The following AGAP5 variants were observed in gnomAD, a reference collection of about 807,000 sequenced individuals.
AGAP5 encodes arf-GAP with GTPase, ANK repeat and PH domain-containing protein 5.
A neutral mutation model predicts 27.7 loss-of-function variants in AGAP5; 8 were observed. That is an observed-to-expected ratio of 0.29 (90% CI 0.17 to 0.52). AGAP5 has a LOEUF of 0.52. Among genes scored for constraint, AGAP5 ranks in the 20% least tolerant of loss-of-function variants. AGAP5 has a pLI of 0.97. For synonymous variants in AGAP5, 111 were observed against 338.0 expected (o/e 0.33, Z 7.37); for missense variants, 285 against 880.8 (o/e 0.32, Z 8.56).
intron 3 of AGAP5, 145 bp downstream of exon 3, chr10:73,694,591 T>C (rs553358311): frequency 7.2e-7 from 1 of 1,386,700 alleles, no homozygotes; most frequent in South Asian, 1.3e-5. Flanking sequence ...TAAAGGAAAG[T>C]ATATCACATA....
intron 2 of AGAP5, among the ~76,000 whole-genome samples, chr10:73,696,598 A>C (rs1464474194): frequency 1.3e-5 from 2 of 152,222 alleles, no homozygotes; most frequent in Non-Finnish European, 2.9e-5. Context: ...AAGAATTTTA[A>C]AGTAATCAGA....
rs373623102 is a variant in AGAP5 at position 73,697,811 on chromosome 10, C to T, written c.-56G>A. 5 of 1,593,274 alleles carry T rather than the reference C, an allele frequency of 3.1e-6. No individual in the cohort carries two copies. Among genetic ancestry groups the T allele is most frequent in the East Asian group, 2.2e-5 (1 of 44,842 alleles). ...GCCTCTGCTCACAGCTTTGGCCACA[C>T]ACTCCCACTGTCCTAGGCCGAGGCT... On this transcript the variant is annotated 5_prime_UTR_variant, in exon 1 of 8. The change creates a new upstream start codon in the 5' untranslated region. Transcript: ENST00000374094.
intron 4 of AGAP5, among the ~76,000 whole-genome samples, chr10:73,687,679 A>G (rs1313596133): frequency 1.3e-5 from 2 of 152,242 alleles, no homozygotes; most frequent in African/African-American, 2.4e-5. Flanking sequence ...AATATCATTA[A>G]TTATACTCAA....
chr10:73,678,267 A>G (rs1331759018), intron 6 of AGAP5, among the ~76,000 whole-genome samples: 2 of 152,064 alleles, frequency 1.3e-5, no homozygotes, highest in African/African-American at 4.8e-5. Flanking sequence ...GTGGTGCCAC[A>G]CATCTGTGGT....
intron 4 of AGAP5, among the ~76,000 whole-genome samples, chr10:73,687,221 G>A (rs899037952): frequency 3.3e-5 from 5 of 152,180 alleles, no homozygotes; most frequent in Non-Finnish European, 7.3e-5. Context: ...CTTTTGGGCA[G>A]GACAAATTTT....
chr10:73,691,745 G>C (rs1298967918), intron 4 of AGAP5, among the ~76,000 whole-genome samples: 3 of 152,126 alleles, frequency 2.0e-5, no homozygotes, highest in African/African-American at 7.2e-5. Flanking sequence ...GCCTGCCTCG[G>C]CCTCCTAAAG....
chr10:73,691,653 C>T (rs899742522), intron 4 of AGAP5, among the ~76,000 whole-genome samples: 8 of 151,976 alleles, frequency 5.3e-5, no homozygotes, highest in African/African-American at 1.5e-4. Flanking sequence ...CCACCACGCC[C>T]GGCTACTTTT....
chr10:73,689,726 G>C (rs966453615), intron 4 of AGAP5, among the ~76,000 whole-genome samples: 1 of 150,640 alleles, frequency 6.6e-6, no homozygotes, highest in African/African-American at 2.4e-5. Context: ...CGCCCCGTCT[G>C]AGAAGTGAGG....
rs750406294 is a variant in AGAP5, at chr10:73,697,127, C to T, written c.260G>A (p.Ser87Asn). The change falls in exon 2 of 8, where the codon AGC (serine) becomes AAC (asparagine). Residue 87 changes from serine to asparagine, a missense_variant. Ser to Asn is a conservative substitution (Grantham distance 46). Transcript: ENST00000374094. ...EFSLSANPEA[S>N]TIFQRNSQTD... Reference sequence around the variant, plus strand: ...TTGAGAGTTCCTCTGGAATATTGTGCTTGCCTCTGGATTGGCAGAAAGGCT... The same window carrying T: ...TTGAGAGTTCCTCTGGAATATTGTGTTTGCCTCTGGATTGGCAGAAAGGCT... 2 of 1,598,218 alleles carry T rather than the reference C, an allele frequency of 1.3e-6. No homozygotes were observed. Among genetic ancestry groups the T allele is most frequent in the South Asian group, 2.2e-5 (2 of 91,012 alleles).
Position 73,689,327 on chromosome 10 carries a change from C to T in AGAP5, c.396+2716G>A, listed in dbSNP as rs551577885. Among the ~76,000 whole-genome samples, 74 of 152,356 alleles carry T rather than the reference C, an allele frequency of 4.9e-4. 1 individual carries two copies. The highest frequency in any genetic ancestry group is 3.4e-3 in the Middle Eastern group (1 of 294). ...AGGCTGGAGTGCAGTGGCGTGATCTCGGCTCGCTACAACCTCCACCTTCCA... is the reference window on the plus strand; with the variant it reads ...AGGCTGGAGTGCAGTGGCGTGATCTTGGCTCGCTACAACCTCCACCTTCCA... On this transcript the variant is annotated intron_variant, in intron 4 of 7. Transcript: ENST00000374094.
At chr10:73,676,344 G>T (rs1387045915) in intron 7 of AGAP5, among the ~76,000 whole-genome samples, 2 of 139,632 alleles carry the variant, frequency 1.4e-5, no homozygotes, top group Admixed American at 1.4e-4. Context: ...GCTGGGCATG[G>T]TGTCACATGC....
intron 2 of AGAP5, among the ~76,000 whole-genome samples, chr10:73,695,156 CAGTA>C (rs1004733402): frequency 2.0e-5 from 3 of 151,588 alleles, no homozygotes; most frequent in Non-Finnish European, 4.4e-5. Context: ...ATCAAGATGG[CAGTA>C]AGTTTTAAAA....
chr10:73,679,757 A>T (rs1483752307), intron 6 of AGAP5, among the ~76,000 whole-genome samples: 1 of 152,236 alleles, frequency 6.6e-6, no homozygotes, highest in Non-Finnish European at 1.5e-5. Flanking sequence ...ACAACAAAGC[A>T]TTATCTAGCC....
chr10:73,691,311 T>C (rs2082116765), intron 4 of AGAP5, among the ~76,000 whole-genome samples: 2 of 152,234 alleles, frequency 1.3e-5, no homozygotes, highest in South Asian at 4.1e-4. Context: ...TAAATATTAC[T>C]GATTTAATTA....
At position 73,697,547 on chromosome 10, in the gene AGAP5, T is replaced by C. The variant is rs775678698; in HGVS notation, c.209A>G (p.Gln70Arg). Residue 70 changes from glutamine to arginine, a missense_variant, in exon 1 of 8, where the codon CAG (glutamine) becomes CGG (arginine). Gln to Arg is a conservative substitution (Grantham distance 43). Coordinates refer to ENST00000374094, the MANE Select transcript of AGAP5 (RefSeq NM_001144000.4). ...EDLHMHHIRD[Q>R]EMPEALEFSL... ...CACCTCCTTACCTTCAGGCATCTCC[T>C]GGTCACGAATGTGGTGCATGTGGAG... The C allele has an allele frequency of 3.1e-6, 5 of 1,612,884 alleles. No individual in the cohort carries two copies. The highest frequency in any genetic ancestry group is 4.5e-5 in the East Asian group (2 of 44,864).
chr10:73,686,785 A>C (rs2082067831), intron 4 of AGAP5, among the ~76,000 whole-genome samples: 1 of 152,364 alleles, frequency 6.6e-6, no homozygotes, highest in African/African-American at 2.4e-5. Context: ...TATATGAGGA[A>C]TACCACCTCA....
intron 5 of AGAP5, chr10:73,681,353 G>T (rs2082023086): frequency 1.0e-6 from 1 of 985,258 alleles, no homozygotes; most frequent in African/African-American, 1.7e-5. Context: ...TACAGATAGA[G>T]GGAAAGTGGA....
intron 4 of AGAP5, among the ~76,000 whole-genome samples, chr10:73,687,710 T>C (rs939997554): frequency 3.9e-5 from 6 of 152,204 alleles, no homozygotes; most frequent in East Asian, 1.9e-4. Context: ...GATTTAAACA[T>C]AGGTCCTAAA....
At chr10:73,694,915 C>T in intron 2 of AGAP5, 111 bp from the exon 3 acceptor site, 2 of 1,580,356 alleles carry the variant, frequency 1.3e-6, no homozygotes, top group South Asian at 2.2e-5. Context: ...TACTTTGATT[C>T]TTATACATTG....
Sources: gnomAD v4.1 joint callset for allele counts (sites outside exome capture counted in the v4.1 genomes callset) on GRCh38, gnomAD v4.1.1 for gene constraint, MANE v1.5 for transcripts, NCBI Gene and HGNC (gene_info 2026-07-23, HGNC 2026-07-21) for gene names.